Variants in RBFOX1 observed in about 807,000 individuals in gnomAD.
RBFOX1 encodes the protein RNA binding protein fox-1 homolog 1.
Under a neutral mutation model 57.7 loss-of-function variants are expected in RBFOX1, and 8 were observed. The ratio of observed to expected loss-of-function variants is 0.14; its 90% CI spans 0.08 to 0.25. The LOEUF is 0.25. Ranked by LOEUF, RBFOX1 falls within the 10% of genes least tolerant of loss-of-function variation. RBFOX1 has a pLI of 1.00. For missense variants in RBFOX1, 611 were observed against 548.5 expected, an observed-to-expected ratio of 1.11 and a Z score of -1.14; for synonymous variants, 326 against 222.4, an observed-to-expected ratio of 1.47 and a Z score of -4.15.
intron 5 of RBFOX1, among the ~76,000 whole-genome samples, chr16:7,561,656 T>G (rs2090402804): frequency 6.6e-6 from 1 of 152,168 alleles, no homozygotes; most frequent in Non-Finnish European, 1.5e-5. Context: ...AGAACAAAAC[T>G]CTTGGAGTGC....
At chr16:5,532,242 C>A (rs1318766380) in intron 2 of RBFOX1, among the ~76,000 whole-genome samples, 1 of 152,222 alleles carries the variant, frequency 6.6e-6, no homozygotes, top group Admixed American at 6.5e-5. Context: ...TATCCATTAT[C>A]TTCCAGTAAC....
intron 4 of RBFOX1, among the ~76,000 whole-genome samples, chr16:7,436,082 A>G (rs755946700): frequency 1.3e-5 from 2 of 151,968 alleles, no homozygotes; most frequent in African/African-American, 2.4e-5. Context: ...GATGCAAACA[A>G]CTCTGTTATG....
At chr16:5,504,322 G>C (rs544484657) in intron 2 of RBFOX1, among the ~76,000 whole-genome samples, 1 of 152,342 alleles carries the variant, frequency 6.6e-6, no homozygotes, top group Non-Finnish European at 1.5e-5. Context: ...CCTGCCAGGA[G>C]CCTGCTGGGC....
chr16:5,912,288 A>G (rs954325777), intron 4 of RBFOX1, among the ~76,000 whole-genome samples: 4 of 152,180 alleles, frequency 2.6e-5, no homozygotes, highest in African/African-American at 9.7e-5. Flanking sequence ...CTCAGAATGA[A>G]GCTCACCGTA....
intron 14 of RBFOX1, among the ~76,000 whole-genome samples, chr16:7,705,926 C>T (rs760471122): frequency 6.6e-6 from 1 of 152,176 alleles, no homozygotes; most frequent in African/African-American, 2.4e-5. Flanking sequence ...TGCACTACTG[C>T]CCACTTTGGC....
At chr16:5,640,556 C>T (rs1035527586) in intron 3 of RBFOX1, among the ~76,000 whole-genome samples, 1 of 151,454 alleles carries the variant, frequency 6.6e-6, no homozygotes, top group African/African-American at 2.4e-5. Flanking sequence ...ACATGCATGC[C>T]ATGCATACAT....
At chr16:6,772,996 G>C (rs868618319) in intron 3 of RBFOX1, among the ~76,000 whole-genome samples, 5 of 132,832 alleles carry the variant, frequency 3.8e-5, no homozygotes, top group Non-Finnish European at 6.2e-5. Context: ...TGGGTGTGGG[G>C]TGCATATGTG....
At chr16:7,482,007 A>G (rs537585725) in intron 4 of RBFOX1, among the ~76,000 whole-genome samples, 7 of 152,340 alleles carry the variant, frequency 4.6e-5, no homozygotes, top group Admixed American at 1.3e-4. Context: ...CTTTCACACC[A>G]TTGTAAAGTC....
chr16:5,472,203 T>TTTTATTC (rs1309049812), intron 2 of RBFOX1, among the ~76,000 whole-genome samples: 2 of 152,222 alleles, frequency 1.3e-5, no homozygotes, highest in East Asian at 3.9e-4. Context: ...GCACCCTCCT[T>TTTTATTC]TTTATTCTGT....
intron 2 of RBFOX1, among the ~76,000 whole-genome samples, chr16:6,528,741 G>C (rs906250744): frequency 5.9e-5 from 9 of 152,152 alleles, no homozygotes; most frequent in African/African-American, 2.2e-4. Flanking sequence ...TCTTGGTTCA[G>C]GGGAGCTGTC....
rs563417330 is a variant in RBFOX1 at position 6,773,917 on chromosome 16, C to T, written c.-16+119267C>T. On this transcript the variant is annotated intron_variant, in intron 3 of 15. Coordinates refer to ENST00000550418, the MANE Select transcript of RBFOX1 (RefSeq NM_018723.4). ...GTGGGCATGGAGTGCATTTGCGTTG[C>T]GGGGGTGTGGAGTGTGTTTGTGTGT... The T allele has an allele frequency of 3.2e-4, 317 of 982,568 alleles. 1 individual carries two copies. In the African/African-American group the frequency reaches 5.0e-3, roughly 15 times the overall value. The allele number at this position is 982,568 out of a possible 1,614,324, so 60.9% of individuals were successfully genotyped here.
chr16:5,314,239 G>C (rs2064169835), intron 1 of RBFOX1, among the ~76,000 whole-genome samples: 1 of 152,216 alleles, frequency 6.6e-6, no homozygotes, highest in African/African-American at 2.4e-5. Flanking sequence ...AACCCAACTT[G>C]CGAATGCATG....
intron 15 of RBFOX1, chr16:7,709,654 T>A: frequency 1.3e-6 from 2 of 1,522,930 alleles, no homozygotes; most frequent in Non-Finnish European, 1.8e-6. Flanking sequence ...AGGGGCACAC[T>A]TTGTGTGTGT....
chr16:5,719,245 A>T (rs939984887), intron 3 of RBFOX1, among the ~76,000 whole-genome samples: 2 of 139,416 alleles, frequency 1.4e-5, no homozygotes, highest in African/African-American at 5.3e-5. Context: ...GCCATCTCCC[A>T]GGCTGGAGTG....
chr16:5,378,062 C>T (rs1462224768), intron 1 of RBFOX1, among the ~76,000 whole-genome samples: 3 of 151,574 alleles, frequency 2.0e-5, no homozygotes, highest in Non-Finnish European at 4.4e-5. Flanking sequence ...AAGACAACAG[C>T]ACAGTGTTGC....
chr16:6,808,164 G>GTC (rs2087402441), intron 3 of RBFOX1, among the ~76,000 whole-genome samples: 1 of 142,114 alleles, frequency 7.0e-6, no homozygotes, highest in African/African-American at 2.9e-5. Context: ...TTATATATGT[G>GTC]TGTGTGTGTG....
At chr16:5,302,294 CA>C in intron 1 of RBFOX1, among the ~76,000 whole-genome samples, 1 of 152,212 alleles carries the variant, frequency 6.6e-6, no homozygotes, top group East Asian at 1.9e-4. Context: ...TCAGAGAAAT[CA>C]TTTTTTTGAT....
chr16:6,267,695 A>G (rs1209924658), intron 1 of RBFOX1, among the ~76,000 whole-genome samples: 2 of 152,112 alleles, frequency 1.3e-5, no homozygotes, highest in Admixed American at 1.3e-4. Context: ...AACAATCAAA[A>G]CTTCTGTTTT....
intron 2 of RBFOX1, among the ~76,000 whole-genome samples, chr16:6,651,804 C>T (rs1364365649): frequency 2.0e-5 from 3 of 152,180 alleles, no homozygotes; most frequent in African/African-American, 7.2e-5. Context: ...GTGGAAACAG[C>T]CCAAATATCT....
Sources: gnomAD v4.1 joint callset for allele counts (sites outside exome capture counted in the v4.1 genomes callset) on GRCh38, gnomAD v4.1.1 for gene constraint, MANE v1.5 for transcripts, NCBI Gene and HGNC (gene_info 2026-07-23, HGNC 2026-07-21) for gene names.